Variants in PCDH9 observed in about 807,000 individuals in gnomAD.
PCDH9 encodes the protein protocadherin-9.
Under a neutral mutation model 70.6 loss-of-function variants are expected in PCDH9, and 24 were observed. The ratio of observed to expected loss-of-function variants is 0.34; its 90% CI spans 0.25 to 0.48. PCDH9 has a LOEUF of 0.48. Among genes scored for constraint, PCDH9 ranks in the 20% least tolerant of loss-of-function variants. The probability of loss-of-function intolerance (pLI) is 0.99; values close to 1 mark genes in which losing one functional copy is unlikely to be tolerated. For missense variants in PCDH9, 1,281 were observed against 1,503.6 expected (o/e 0.85, Z 2.45); for synonymous variants, 562 against 558.5 (o/e 1.01, Z -0.09).
At chr13:66,328,098 G>A (rs1955878487) in intron 4 of PCDH9, among the ~76,000 whole-genome samples, 1 of 152,088 alleles carries the variant, frequency 6.6e-6, no homozygotes, top group South Asian at 2.1e-4. Context: ...TCTATAATTA[G>A]TTATTGCATA....
intron 4 of PCDH9, among the ~76,000 whole-genome samples, chr13:66,413,913 T>C (rs772824407): frequency 6.6e-6 from 1 of 152,084 alleles, no homozygotes; most frequent in African/African-American, 2.4e-5. Context: ...CAGCTTCACA[T>C]GCTCAGTTTC....
At chr13:66,350,230 A>C (rs1242825730) in intron 4 of PCDH9, among the ~76,000 whole-genome samples, 1 of 152,180 alleles carries the variant, frequency 6.6e-6, no homozygotes, top group Non-Finnish European at 1.5e-5. Context: ...TTCTGCCCCA[A>C]ACCTCTTCTT....
rs1390665130 is a variant in PCDH9 at position 67,049,195 on chromosome 13, G to GA, written c.3037-145591dup. ...TTTTTAAAACTTGTGCATACATTTA[G>GA]AAAAAAAAATTGAACAACATAGGGC... On this transcript the variant is annotated intron_variant, in intron 2 of 4. Coordinates refer to ENST00000377865, the MANE Select transcript of PCDH9 (RefSeq NM_203487.3). Among the ~76,000 whole-genome samples, 8 of 151,336 alleles carry GA rather than the reference G, an allele frequency of 5.3e-5. No homozygotes were observed. In the East Asian group the frequency reaches 7.8e-4, roughly 15 times the overall value.
intron 2 of PCDH9, among the ~76,000 whole-genome samples, chr13:66,925,852 C>T (rs571343187): frequency 3.3e-5 from 5 of 151,920 alleles, no homozygotes; most frequent in South Asian, 2.1e-4. Flanking sequence ...CATTCATTGC[C>T]GAGCTTCATT....
chr13:66,589,848 A>C (rs2077015990), intron 4 of PCDH9, among the ~76,000 whole-genome samples: 2 of 152,140 alleles, frequency 1.3e-5, no homozygotes, highest in African/African-American at 4.8e-5. Flanking sequence ...TAAATGAAAT[A>C]ACTTTATATC....
At chr13:67,116,745 A>G (rs1211137789) in intron 2 of PCDH9, among the ~76,000 whole-genome samples, 1 of 152,192 alleles carries the variant, frequency 6.6e-6, no homozygotes, top group Non-Finnish European at 1.5e-5. Flanking sequence ...AAAAATCATT[A>G]TGTTCCAGGT....
chr13:66,853,301 C>G (rs2081344539), intron 3 of PCDH9, among the ~76,000 whole-genome samples: 1 of 151,752 alleles, frequency 6.6e-6, no homozygotes, highest in Non-Finnish European at 1.5e-5. Context: ...GACTAGGAAT[C>G]TTTCTGGTCT....
intron 2 of PCDH9, among the ~76,000 whole-genome samples, chr13:66,980,559 T>G (rs74096704): frequency 6.6e-6 from 1 of 152,188 alleles, no homozygotes; most frequent in African/African-American, 2.4e-5. Context: ...ACTTCTTGAT[T>G]TGATATAAAA....
intron 3 of PCDH9, among the ~76,000 whole-genome samples, chr13:66,687,225 A>G (rs771185477): frequency 1.3e-5 from 2 of 152,204 alleles, no homozygotes; most frequent in Non-Finnish European, 2.9e-5. Context: ...GGAATAGACA[A>G]TAACATGCAT....
At chr13:66,773,408 C>A (rs1389056400) in intron 3 of PCDH9, among the ~76,000 whole-genome samples, 1 of 151,974 alleles carries the variant, frequency 6.6e-6, no homozygotes, top group East Asian at 2.0e-4. Context: ...GCGGGTGGAT[C>A]GCGAGGTCAG....
chr13:66,852,910 A>G (rs745503348), intron 3 of PCDH9, among the ~76,000 whole-genome samples: 3 of 149,722 alleles, frequency 2.0e-5, no homozygotes, highest in Non-Finnish European at 4.4e-5. Context: ...TTTTTTAACA[A>G]TAGAGTCCTT....
rs538701712 is a variant in PCDH9, at chr13:66,884,658, G to A, written c.3138+18846C>T. On this transcript the variant is annotated intron_variant, in intron 3 of 4. Coordinates refer to ENST00000377865, the MANE Select transcript of PCDH9 (RefSeq NM_203487.3). ...AGTTGGTCAGACCATAAATGATTCT[G>A]TGGACTGACCAAGTTTGCAGCATTT... Among the ~76,000 whole-genome samples, 200 of 152,256 alleles carry A rather than the reference G, an allele frequency of 1.3e-3. 1 individual carries two copies. Among genetic ancestry groups the A allele is most frequent in the Admixed American group, 4.5e-3 (69 of 15,298 alleles).
intron 3 of PCDH9, among the ~76,000 whole-genome samples, chr13:66,761,285 C>A (rs1021571832): frequency 6.6e-6 from 1 of 152,142 alleles, no homozygotes; most frequent in Non-Finnish European, 1.5e-5. Context: ...CTCTTTACTT[C>A]TCAGACTGGC....
intron 3 of PCDH9, among the ~76,000 whole-genome samples, chr13:66,683,197 C>CT (rs1186947962): frequency 2.6e-5 from 4 of 151,992 alleles, no homozygotes; most frequent in South Asian, 2.1e-4. Context: ...TCCCATTCAT[C>CT]TTTTTTTTCC....
At chr13:66,726,065 T>C (rs541070640) in intron 3 of PCDH9, among the ~76,000 whole-genome samples, 56 of 152,330 alleles carry the variant, frequency 3.7e-4, no homozygotes, top group African/African-American at 1.2e-3. Flanking sequence ...GATAGGATAC[T>C]TGCCAATCTA....
At chr13:66,378,462 C>A (rs1424125496) in intron 4 of PCDH9, among the ~76,000 whole-genome samples, 2 of 152,212 alleles carry the variant, frequency 1.3e-5, no homozygotes, top group Middle Eastern at 3.4e-3. Flanking sequence ...TAAATTTTCA[C>A]ACAGACCTCA....
intron 4 of PCDH9, among the ~76,000 whole-genome samples, chr13:66,405,798 C>A (rs1165910650): frequency 1.3e-5 from 2 of 152,128 alleles, no homozygotes; most frequent in East Asian, 3.9e-4. Flanking sequence ...AATGTGGCAA[C>A]CGTATGTCTT....
At chr13:66,808,235 T>C (rs532874786) in intron 3 of PCDH9, among the ~76,000 whole-genome samples, 2 of 152,330 alleles carry the variant, frequency 1.3e-5, no homozygotes, top group South Asian at 4.1e-4. Flanking sequence ...GGTAGTTTGA[T>C]TTCTTTCTGT....
At chr13:66,709,727 T>C (rs1276782198) in intron 3 of PCDH9, among the ~76,000 whole-genome samples, 4 of 152,180 alleles carry the variant, frequency 2.6e-5, no homozygotes, top group Admixed American at 6.5e-5. Flanking sequence ...CTAAAAATCA[T>C]TGGCAATGAA....
Sources: gnomAD v4.1 joint callset for allele counts (sites outside exome capture counted in the v4.1 genomes callset) on GRCh38, gnomAD v4.1.1 for gene constraint, MANE v1.5 for transcripts, NCBI Gene and HGNC (gene_info 2026-07-23, HGNC 2026-07-21) for gene names.